Variants in FSTL1 observed in about 807,000 individuals in gnomAD.
FSTL1 encodes the protein follistatin like 1.
Under a neutral mutation model 45.9 loss-of-function variants are expected in FSTL1, and 24 were observed. The observed-to-expected ratio is 0.52, with a 90% CI of 0.38 to 0.74. The LOEUF is 0.74. FSTL1 is among the 30% of genes least tolerant of loss of function. The probability of loss-of-function intolerance (pLI) is 0.00; values close to 1 mark genes in which losing one functional copy is unlikely to be tolerated. For synonymous variants in FSTL1, 120 were observed against 137.6 expected (o/e 0.87, Z 0.89); for missense variants, 340 against 381.8 (o/e 0.89, Z 0.91).
intron 5 of FSTL1, 23 bp downstream of exon 5, chr3:120,410,929 C>T (rs1370538484): frequency 5.1e-6 from 8 of 1,571,726 alleles, no homozygotes; most frequent in Non-Finnish European, 7.0e-6. Flanking sequence ...GAGATGCACA[C>T]AGTAGAAAAA....
chr3:120,404,993 CGTTCAGG>C (rs1936920399), intron 6 of FSTL1, 22 bp from the exon 7 acceptor site: 4 of 1,219,644 alleles, frequency 3.3e-6, no homozygotes, highest in Non-Finnish European at 4.9e-6. Flanking sequence ...ATGACAAGAT[CGTTCAGG>C]GATGTTTTGC....
rs1013004553 is a variant in FSTL1 at position 120,409,618 on chromosome 3, T to C, written c.376A>G (p.Ile126Val). The C allele has an allele frequency of 6.2e-7, 1 of 1,613,858 alleles. No homozygotes were observed. The highest frequency in any genetic ancestry group is 1.3e-5 in the African/African-American group (1 of 74,918). The change falls in exon 6 of 11, where the codon ATC becomes GTC. Residue 126 changes from isoleucine (I) to valine (V), a missense_variant. Physicochemically the swap from Ile to Val is conservative, Grantham distance 29. Coordinates refer to ENST00000295633, the MANE Select transcript of FSTL1 (RefSeq NM_007085.5). ...ATGATCTCAGCTTCCAGCCACTGGA[T>C]GATGCGACGTCGGAGCTCATCACGG... is the stretch of plus-strand genomic sequence containing the variant. ...SNRDELRRRI[I>V]QWLEAEIIPD... is the part of the protein sequence containing the mutation.
intron 2 of FSTL1, among the ~76,000 whole-genome samples, chr3:120,416,762 C>T (rs559945928): frequency 3.9e-5 from 6 of 152,262 alleles, no homozygotes; most frequent in South Asian, 2.1e-4. Flanking sequence ...ATTAAGAGGG[C>T]GAAGCTGCCT....
intron 2 of FSTL1, among the ~76,000 whole-genome samples, chr3:120,436,724 G>A (rs1039095265): frequency 1.3e-5 from 2 of 152,226 alleles, no homozygotes; most frequent in Admixed American, 1.3e-4. Context: ...AGACTGCTGG[G>A]ACTCTAGGGA....
chr3:120,409,403 G>T, intron 6 of FSTL1, 129 bp downstream of exon 6: 3 of 817,606 alleles, frequency 3.7e-6, no homozygotes, highest in South Asian at 3.3e-5. Context: ...AATGATCTAT[G>T]ATGAGGAAAC....
intron 6 of FSTL1, 89 bp from the exon 7 acceptor site, chr3:120,405,060 A>T (rs1936921914): frequency 1.3e-6 from 1 of 770,092 alleles, no homozygotes; most frequent in Admixed American, 1.8e-5. Context: ...CCTCTGATTC[A>T]TCTTGTTCTT....
chr3:120,425,459 A>C (rs1440371595), intron 2 of FSTL1, among the ~76,000 whole-genome samples: 1 of 152,114 alleles, frequency 6.6e-6, no homozygotes, highest in Non-Finnish European at 1.5e-5. Flanking sequence ...GTGTAAGAAG[A>C]ATTAATGCAG....
chr3:120,443,436 A>C (rs1462475018), intron 2 of FSTL1, among the ~76,000 whole-genome samples: 20 of 149,998 alleles, frequency 1.3e-4, no homozygotes, highest in Non-Finnish European at 2.9e-5. Flanking sequence ...ATAATGCCTG[A>C]CACTTCTGTA....
At chr3:120,417,076 CAA>C (rs1937199120) in intron 2 of FSTL1, among the ~76,000 whole-genome samples, 1 of 152,146 alleles carries the variant, frequency 6.6e-6, no homozygotes, top group African/African-American at 2.4e-5. Flanking sequence ...CCTCCAGACT[CAA>C]GGCTACTGGG....
rs1220137569 is a variant in FSTL1 at position 120,397,061 on chromosome 3, C to G, written c.883-65G>C. 3.2e-6 allele frequency: 4 copies of G among 1,253,636 alleles called. No individual in the cohort carries two copies. In the African/African-American group the frequency reaches 5.9e-5, roughly 18 times the overall value. 77.7% of individuals were successfully genotyped at this position (1,253,636 alleles called of 1,614,324 possible). On this transcript the variant is annotated intron_variant, in intron 10 of 10. Transcript: ENST00000295633. Reference sequence around the variant, plus strand: ...AAACAACTGTTGGAATTTATCTGTTCCTCAAGACTATATAGCATTGGCATT... The same window carrying G: ...AAACAACTGTTGGAATTTATCTGTTGCTCAAGACTATATAGCATTGGCATT...
At chr3:120,439,205 G>A (rs1191614777) in intron 2 of FSTL1, among the ~76,000 whole-genome samples, 1 of 152,166 alleles carries the variant, frequency 6.6e-6, no homozygotes, top group African/African-American at 2.4e-5. Context: ...ACCTCTGACA[G>A]GCTCCAGGCT....
At chr3:120,419,226 T>C (rs1352063605) in intron 2 of FSTL1, 1 of 152,180 alleles carries the variant, frequency 6.6e-6, no homozygotes, top group Non-Finnish European at 1.5e-5. Flanking sequence ...TCCAAAAACA[T>C]GGGTAGGGGG....
rs1454032201 is a variant in FSTL1 at position 120,392,427 on chromosome 3, AT to A, written c.*4524del. The stretch of plus-strand genomic sequence containing the variant: ...TGTTTGCAAGAATGTAGGGAAATGG[AT>A]ATGCTCAGTTTATGTACTTTTGGCA... On this transcript the variant is annotated 3_prime_UTR_variant, in exon 11 of 11. Transcript: ENST00000295633. 1 of 152,178 alleles carries A rather than the reference AT, an allele frequency of 6.6e-6. No individual in the cohort carries two copies. Among genetic ancestry groups the A allele is most frequent in the Non-Finnish European group, 1.5e-5 (1 of 68,018 alleles). The allele number at this position is 152,178 out of a possible 1,614,324, so 9.4% of individuals were successfully genotyped here. A position where few individuals can be genotyped will look rare whatever the true frequency, so the allele number is the denominator to read the frequency against.
chr3:120,399,913 G>T lies in FSTL1; in HGVS notation c.852C>A (p.Thr284=). The T allele has an allele frequency of 6.2e-7, 1 of 1,608,752 alleles. No individual in the cohort carries two copies. Among genetic ancestry groups the T allele is most frequent in the Non-Finnish European group, 8.5e-7 (1 of 1,177,384 alleles). Reference sequence around the variant, plus strand: ...GCTTTTGGAGCTCCTGGACATATCTGGTCATCTCCTCCTCTGTCTGGGTCT... The same window carrying T: ...GCTTTTGGAGCTCCTGGACATATCTTGTCATCTCCTCCTCTGTCTGGGTCT... ...GAQTQTEEEM[T]RYVQELQKHQ... is the part of the protein sequence containing the mutation. The change falls in exon 10 of 11, where the codon ACC becomes ACA. Residue 284 remains threonine, a synonymous_variant. Coordinates refer to ENST00000295633, the MANE Select transcript of FSTL1 (RefSeq NM_007085.5).
At chr3:120,412,036 GACACACACACACACATACATGCAC>G in intron 3 of FSTL1, 53 bp from the exon 4 acceptor site, 180 of 1,423,290 alleles carry the variant, frequency 1.3e-4, no homozygotes, top group South Asian at 1.5e-4. Context: ...TCGACACACA[GACACACACACACACATACATGCAC>G]ACACACACAC....
chr3:120,432,226 C>T (rs553791055), intron 2 of FSTL1, among the ~76,000 whole-genome samples: 1 of 152,234 alleles, frequency 6.6e-6, no homozygotes, highest in African/African-American at 2.4e-5. Context: ...TTCAATATTA[C>T]ACACACACAA....
In FSTL1 at chr3:120,404,933, T is replaced by C. The variant is rs751806112; in HGVS notation, c.501A>G (p.Glu167=). ...CATTCTGTTCCACAAACTTCAGGAA[T>C]TCACTGGAGTCCAGGCGAGAATCAC... ...DNGDSRLDSS[E]FLKFVEQNET... is the part of the protein sequence containing the mutation. The change falls in exon 7 of 11, where the codon GAA becomes GAG. Residue 167 remains glutamate, a synonymous_variant. Coordinates refer to ENST00000295633, the MANE Select transcript of FSTL1 (RefSeq NM_007085.5). 6.2e-7 allele frequency: 1 copy of C among 1,601,108 alleles called. No homozygotes were observed. Among genetic ancestry groups the C allele is most frequent in the East Asian group, 2.2e-5 (1 of 44,858 alleles).
chr3:120,400,543 G>A lies in FSTL1; in HGVS notation c.806-584C>T, dbSNP rs115843584. 3.6e-3 allele frequency among the ~76,000 whole-genome samples: 550 copies of A among 152,304 alleles called. 3 individuals are homozygous for A. The highest frequency in any genetic ancestry group is 0.013 in the African/African-American group (532 of 41,578). The stretch of plus-strand genomic sequence containing the variant: ...ACACAGGTTCCCAAGCTGCTCTTTT[G>A]CAAATTCTGATTTACTAGGTTTAGG... On this transcript the variant is annotated intron_variant, in intron 9 of 10. Coordinates refer to ENST00000295633, the MANE Select transcript of FSTL1 (RefSeq NM_007085.5).
At chr3:120,411,811 C>T (rs1314462831) in intron 4 of FSTL1, 43 bp downstream of exon 4, 4 of 1,579,800 alleles carry the variant, frequency 2.5e-6, no homozygotes, top group Non-Finnish European at 3.5e-6. Flanking sequence ...TCCTTGGCTC[C>T]CCGTGGCTAA....
Sources: allele counts gnomAD v4.1 joint callset (sites outside exome capture counted in the v4.1 genomes callset), GRCh38; gene constraint gnomAD v4.1.1; transcripts MANE v1.5; gene names NCBI Gene and HGNC (gene_info 2026-07-23, HGNC 2026-07-21).